EVI2A: variants seen among roughly 807,000 people sequenced by gnomAD.
EVI2A encodes the protein protein EVI2A.
A neutral mutation model predicts 13.0 loss-of-function variants in EVI2A; 11 were observed. The observed-to-expected ratio is 0.85, with a 90% CI of 0.53 to 1.40. The LOEUF is 1.40. Ranked by LOEUF, EVI2A falls within the 40% of genes most tolerant of loss-of-function variation. EVI2A has a pLI of 0.00. For missense variants in EVI2A, 267 were observed against 279.5 expected (o/e 0.96, Z 0.32); for synonymous variants, 89 against 98.0 (o/e 0.91, Z 0.54).
At chr17:31,319,218 A>G (rs989319087) in intron 1 of EVI2A, among the ~76,000 whole-genome samples, 195 bp from the exon 2 acceptor site, 2 of 152,228 alleles carry the variant, frequency 1.3e-5, no homozygotes, top group African/African-American at 4.8e-5. Flanking sequence ...TTTAATTTCT[A>G]TTAACACTTT....
At chr17:31,319,314 C>T (rs189374515) in intron 1 of EVI2A, among the ~76,000 whole-genome samples, 12 of 151,814 alleles carry the variant, frequency 7.9e-5, no homozygotes, top group Non-Finnish European at 1.8e-4. Context: ...TCCTTTGAAG[C>T]GTGCTAGACT....
chr17:31,316,546 C>T lies in EVI2A; in HGVS notation c.*1757G>A, dbSNP rs12940802. ...TAATTTCTTTTAATTTTCTCTGACACGTGTTTATTTATGACCCTTGATTCA... is the reference window on the plus strand; with the variant it reads ...TAATTTCTTTTAATTTTCTCTGACATGTGTTTATTTATGACCCTTGATTCA... On this transcript the variant is annotated 3_prime_UTR_variant, in exon 2 of 2. Coordinates refer to ENST00000462804, the MANE Select transcript of EVI2A (RefSeq NM_014210.4). Among the ~76,000 whole-genome samples, 1 of 151,906 alleles carries T rather than the reference C, an allele frequency of 6.6e-6. No homozygotes were observed. The highest frequency in any genetic ancestry group is 1.5e-5 in the Non-Finnish European group (1 of 67,968).
rs1291066615 is a variant in EVI2A at position 31,318,826 on chromosome 17, G to A, written c.188C>T (p.Pro63Leu). Residue 63 changes from proline (P) to leucine (L), a missense_variant, in exon 2 of 2, where the codon CCT becomes CTT. By Grantham distance (98) the Pro-to-Leu change is moderately conservative (BLOSUM62 -3). Transcript: ENST00000462804. ...TTTATAATCTACTTCAGGAGTTATA[G>A]GGTTTGTGTTAATGTTTTCATTTTG... ...RNQNENINTN[P>L]ITPEVDYKGN... 1.2e-6 allele frequency: 2 copies of A among 1,613,888 alleles called. No homozygotes were observed. The highest frequency in any genetic ancestry group is 2.7e-5 in the African/African-American group (2 of 74,914).
rs918049167 is a variant in EVI2A, at chr17:31,317,587, T to A, written c.*716A>T. ...TTGGTGTGGCTATAAATCTTATTTA[T>A]TTTAGTTGTGCTCTATTTCTTATTG... On this transcript the variant is annotated 3_prime_UTR_variant, in exon 2 of 2. Coordinates refer to ENST00000462804, the MANE Select transcript of EVI2A (RefSeq NM_014210.4). 5.3e-5 allele frequency: 8 copies of A among 152,202 alleles called. No individual in the cohort carries two copies. Among genetic ancestry groups the A allele is most frequent in the Admixed American group, 5.2e-4 (8 of 15,278 alleles). 9.4% of individuals were successfully genotyped at this position (152,202 alleles called of 1,614,324 possible).
intron 1 of EVI2A, chr17:31,320,349 A>AG: frequency 6.5e-7 from 1 of 1,533,940 alleles, no homozygotes. Flanking sequence ...TATTTAAAAA[A>AG]AAAAAAAAAA....
rs1386126068 is a variant in EVI2A, at chr17:31,316,495, G to A, written c.*1808C>T. On this transcript the variant is annotated 3_prime_UTR_variant, in exon 2 of 2. Coordinates refer to ENST00000462804, the MANE Select transcript of EVI2A (RefSeq NM_014210.4). ...TTTGACCAGTATGTTGAATATGAAAGTAATTTCCTATTTTTATGATGATAT... is the reference window on the plus strand; with the variant it reads ...TTTGACCAGTATGTTGAATATGAAAATAATTTCCTATTTTTATGATGATAT... 6.6e-6 allele frequency among the ~76,000 whole-genome samples: 1 copy of A among 152,112 alleles called. No individual in the cohort carries two copies. Among genetic ancestry groups the A allele is most frequent in the Non-Finnish European group, 1.5e-5 (1 of 68,004 alleles).
chr17:31,318,974 G>A lies in EVI2A; in HGVS notation c.40C>T (p.Leu14Phe), dbSNP rs1447229843. 6.2e-7 allele frequency: 1 copy of A among 1,612,638 alleles called. No individual in the cohort carries two copies. Among genetic ancestry groups the A allele is most frequent in the South Asian group, 1.1e-5 (1 of 91,076 alleles). Residue 14 changes from leucine to phenylalanine, a missense_variant, in exon 2 of 2, where the codon CTT (leucine) becomes TTT (phenylalanine). By Grantham distance (22) the Leu-to-Phe change is conservative (BLOSUM62 0). Transcript: ENST00000462804. ...DMEHTGHYLH[L>F]AFLMTTVFSL... ...AAAACTGTTGTCATCAGAAAGGCAA[G>A]ATGTAGGTAATGTCCTGTGTGTTCC...
chr17:31,320,588 C>A, intron 1 of EVI2A: 1 of 584,648 alleles, frequency 1.7e-6, no homozygotes. Flanking sequence ...ATGTAATAAA[C>A]AATGCTAACT....
Position 31,316,526 on chromosome 17 carries a change from T to G in EVI2A, c.*1777A>C, listed in dbSNP as rs1166802470. On this transcript the variant is annotated 3_prime_UTR_variant, in exon 2 of 2. Coordinates refer to ENST00000462804, the MANE Select transcript of EVI2A (RefSeq NM_014210.4). ...TCCTATTTTTATGATGATATTAATT[T>G]CTTTTAATTTTCTCTGACACGTGTT... Among the ~76,000 whole-genome samples the G allele has an allele frequency of 1.3e-5, 2 of 152,212 alleles. No homozygotes were observed. The highest frequency in any genetic ancestry group is 2.9e-5 in the Non-Finnish European group (2 of 68,044).
At chr17:31,319,934 A>T (rs1358946079) in intron 1 of EVI2A, among the ~76,000 whole-genome samples, 2 of 152,112 alleles carry the variant, frequency 1.3e-5, no homozygotes, top group Non-Finnish European at 2.9e-5. Context: ...ATTTGGGATG[A>T]AGTGGCAGGT....
chr17:31,319,347 T>C (rs1351215193), intron 1 of EVI2A, among the ~76,000 whole-genome samples: 1 of 151,834 alleles, frequency 6.6e-6, no homozygotes, highest in Non-Finnish European at 1.5e-5. Flanking sequence ...CAGTTAGTTC[T>C]GCTTTTACTT....
chr17:31,319,993 C>T lies in EVI2A; in HGVS notation c.-10-970G>A, dbSNP rs2069138191. Reference sequence around the variant, plus strand: ...GAAAATGTTGAATTTCCGCTTTGGCCCTGAGCTTGCTGGAAACTAGTACAA... The same window carrying T: ...GAAAATGTTGAATTTCCGCTTTGGCTCTGAGCTTGCTGGAAACTAGTACAA... On this transcript the variant is annotated intron_variant, in intron 1 of 1. Coordinates refer to ENST00000462804, the MANE Select transcript of EVI2A (RefSeq NM_014210.4). Among the ~76,000 whole-genome samples, 2 of 151,856 alleles carry T rather than the reference C, an allele frequency of 1.3e-5. 1 individual carries two copies. The highest frequency in any genetic ancestry group is 4.1e-4 in the South Asian group (2 of 4,826).
At position 31,316,927 on chromosome 17, in the gene EVI2A, A is replaced by C. The variant is rs970833649; in HGVS notation, c.*1376T>G. On this transcript the variant is annotated 3_prime_UTR_variant, in exon 2 of 2. Coordinates refer to ENST00000462804, the MANE Select transcript of EVI2A (RefSeq NM_014210.4). ...ATGACCAAGAGCAGTTATCACCTTG[A>C]GAGTTACGTAAAAATTACCAATGCT... 1.3e-5 allele frequency among the ~76,000 whole-genome samples: 2 copies of C among 152,148 alleles called. No individual in the cohort carries two copies. The highest frequency in any genetic ancestry group is 4.8e-5 in the African/African-American group (2 of 41,420).
At chr17:31,320,130 A>G (rs2069142845) in intron 1 of EVI2A, among the ~76,000 whole-genome samples, 1 of 152,170 alleles carries the variant, frequency 6.6e-6, no homozygotes, top group South Asian at 2.1e-4. Context: ...CCAGCAGGAA[A>G]GATTTATAAT....
Position 31,319,824 on chromosome 17 carries a change from C to A in EVI2A, c.-10-801G>T, listed in dbSNP as rs376377962. Among the ~76,000 whole-genome samples the A allele has an allele frequency of 3.3e-5, 5 of 149,276 alleles. No individual in the cohort carries two copies. In the East Asian group the frequency reaches 9.8e-4, roughly 29 times the overall value. Reference sequence around the variant, plus strand: ...AGTTCAACAAAAGTTGCTGGGTTTTCTTTTAAAGCATCATTTATACCTAGC... The same window carrying A: ...AGTTCAACAAAAGTTGCTGGGTTTTATTTTAAAGCATCATTTATACCTAGC... On this transcript the variant is annotated intron_variant, in intron 1 of 1. Coordinates refer to ENST00000462804, the MANE Select transcript of EVI2A (RefSeq NM_014210.4).
At chr17:31,321,018 A>G (rs1397218186) in intron 1 of EVI2A, 1 of 152,210 alleles carries the variant, frequency 6.6e-6, no homozygotes, top group South Asian at 2.1e-4. Context: ...CAGTGCCCAA[A>G]TAAACAAACT....
rs1292612966 is a variant in EVI2A at position 31,316,942 on chromosome 17, T to C, written c.*1361A>G. On this transcript the variant is annotated 3_prime_UTR_variant, in exon 2 of 2. Coordinates refer to ENST00000462804, the MANE Select transcript of EVI2A (RefSeq NM_014210.4). The stretch of plus-strand genomic sequence containing the variant: ...TATCACCTTGAGAGTTACGTAAAAA[T>C]TACCAATGCTTAGAGTTCACCCCAT... Among the ~76,000 whole-genome samples the C allele has an allele frequency of 6.6e-6, 1 of 152,090 alleles. No homozygotes were observed. The highest frequency in any genetic ancestry group is 1.5e-5 in the Non-Finnish European group (1 of 68,010).
intron 1 of EVI2A, among the ~76,000 whole-genome samples, 185 bp downstream of exon 1, chr17:31,321,310 G>A (rs1373852871): frequency 2.6e-5 from 4 of 151,962 alleles, no homozygotes; most frequent in Non-Finnish European, 5.9e-5. Context: ...CATGGCGATG[G>A]CAAATTTTTT....
In EVI2A at chr17:31,319,024, C is replaced by T. The variant is rs141192482; in HGVS notation, c.-10-1G>A. 1 of 1,584,166 alleles carries T rather than the reference C, an allele frequency of 6.3e-7. No homozygotes were observed. Among genetic ancestry groups the T allele is most frequent in the African/African-American group, 1.4e-5 (1 of 73,538 alleles). ...CATGTCCGTGGGCATGCTTGGCAAT[C>T]TGTTGGGATAGCAATATAATTTGTT... On this transcript the variant is annotated splice_acceptor_variant, in intron 1 of 1. Coordinates refer to ENST00000462804, the MANE Select transcript of EVI2A (RefSeq NM_014210.4). LOFTEE classifies it low-confidence loss of function (5UTR_SPLICE).
Sources: gnomAD v4.1 joint callset for allele counts (sites outside exome capture counted in the v4.1 genomes callset) on GRCh38, gnomAD v4.1.1 for gene constraint, MANE v1.5 for transcripts, NCBI Gene and HGNC (gene_info 2026-07-23, HGNC 2026-07-21) for gene names.